HIVEP2: variants seen among roughly 807,000 people sequenced by gnomAD.
HIVEP2 encodes the protein HIVEP zinc finger 2.
HIVEP2 carries 14 observed loss-of-function variants against 180.7 expected under a neutral mutation model. The ratio of observed to expected loss-of-function variants is 0.08; its 90% CI spans 0.05 to 0.12. The LOEUF (loss-of-function observed/expected upper bound fraction) is 0.12, where lower values mean the gene tolerates loss of function less well. HIVEP2 is among the 10% of genes least tolerant of loss of function. The pLI, the probability that HIVEP2 is intolerant of heterozygous loss-of-function variation, is 1.00. For synonymous variants in HIVEP2, 1,184 were observed against 1,136.4 expected (o/e 1.04, Z -0.84); for missense variants, 2,579 against 3,008.5 (o/e 0.86, Z 3.34).
chr6:142,870,624 T>C (rs1776268550), intron 1 of HIVEP2, among the ~76,000 whole-genome samples: 1 of 152,190 alleles, frequency 6.6e-6, no homozygotes, highest in Non-Finnish European at 1.5e-5. Context: ...ACTCTATTTC[T>C]TCCTGTAATC....
chr6:142,829,709 TA>T (rs1284091540), intron 2 of HIVEP2, among the ~76,000 whole-genome samples: 1 of 152,196 alleles, frequency 6.6e-6, no homozygotes, highest in Non-Finnish European at 1.5e-5. Context: ...CTAAAGCTTT[TA>T]AAAATAGCCA....
Position 142,825,704 on chromosome 6 carries a change from T to A in HIVEP2, c.-528+11231A>T, listed in dbSNP as rs536476815. ...TTTCCAAACTTAATTCTCTAAGGCATCTCAGAGAGTGTGACTAAAAATGCT... is the reference window on the plus strand; with the variant it reads ...TTTCCAAACTTAATTCTCTAAGGCAACTCAGAGAGTGTGACTAAAAATGCT... On this transcript the variant is annotated intron_variant, in intron 2 of 9. Coordinates refer to ENST00000367603, the MANE Select transcript of HIVEP2 (RefSeq NM_006734.4). Among the ~76,000 whole-genome samples the A allele has an allele frequency of 2.0e-5, 3 of 152,292 alleles. No individual in the cohort carries two copies. The South Asian group carries it at 6.2e-4, about 32-fold the overall frequency.
At chr6:142,828,755 TA>T in intron 2 of HIVEP2, among the ~76,000 whole-genome samples, 1 of 152,256 alleles carries the variant, frequency 6.6e-6, no homozygotes, top group African/African-American at 2.4e-5. Flanking sequence ...TATCCCCAAC[TA>T]AATTTTCAGC....
intron 2 of HIVEP2, among the ~76,000 whole-genome samples, chr6:142,803,843 T>C (rs1424188062): frequency 6.6e-6 from 1 of 152,060 alleles, no homozygotes; most frequent in African/African-American, 2.4e-5. Context: ...GGAACATCAC[T>C]CCTTCACACA....
intron 3 of HIVEP2, among the ~76,000 whole-genome samples, chr6:142,781,166 C>G (rs1775849490): frequency 6.6e-6 from 1 of 152,158 alleles, no homozygotes; most frequent in Admixed American, 6.5e-5. Flanking sequence ...CAGTATTTCT[C>G]TATGACTGTG....
rs200228489 is a variant in HIVEP2, at chr6:142,774,261, G to T, written c.478C>A (p.Pro160Thr). The T allele has an allele frequency of 1.2e-4, 194 of 1,614,038 alleles. No homozygotes were observed. Among genetic ancestry groups the T allele is most frequent in the Non-Finnish European group, 3.1e-5 (36 of 1,180,050 alleles). Reference protein sequence around the residue: ...YPRKKISSLNPAYSQYSQKSI... With the variant: ...YPRKKISSLNTAYSQYSQKSI... Reference sequence around the variant, plus strand: ...TTCTGGGAGTATTGGCTATAAGCAGGGTTCAGACTTGAAATCTTTTTTCTA... The same window carrying T: ...TTCTGGGAGTATTGGCTATAAGCAGTGTTCAGACTTGAAATCTTTTTTCTA... The change falls in exon 5 of 10, where the codon CCT becomes ACT. Residue 160 changes from proline (P) to threonine (T), a missense_variant. This residue lies in a region of HIVEP2 where 207 missense variants were observed against 210.1 expected (regional missense o/e 0.99). Transcript: ENST00000367603. This position sits in a 1 kb window ranked among gnomAD's most constrained non-coding sequence, Gnocchi z 5.1.
At chr6:142,856,411 A>G (rs12206012) in intron 1 of HIVEP2, among the ~76,000 whole-genome samples, 26,917 of 152,184 alleles carry the variant, frequency 0.18, 2,570 homozygotes, top group South Asian at 0.22. Flanking sequence ...ACTAAAAGTC[A>G]TATGCAAGGA....
At chr6:142,855,282 A>C (rs1775789860) in intron 1 of HIVEP2, among the ~76,000 whole-genome samples, 2 of 152,232 alleles carry the variant, frequency 1.3e-5, no homozygotes, top group South Asian at 4.1e-4. Context: ...ACTGAGCTCC[A>C]GGCCACATGA....
intron 2 of HIVEP2, among the ~76,000 whole-genome samples, chr6:142,807,753 C>T (rs1776588815): frequency 6.6e-6 from 1 of 152,150 alleles, no homozygotes; most frequent in Non-Finnish European, 1.5e-5. Flanking sequence ...GTCAAAGTGA[C>T]TCCAAAGAGA....
chr6:142,812,332 G>C (rs76228530), intron 2 of HIVEP2, among the ~76,000 whole-genome samples: 91 of 152,298 alleles, frequency 6.0e-4, no homozygotes, highest in Middle Eastern at 3.4e-3. Context: ...GTTCCCAACA[G>C]CCGGAGGGGA....
chr6:142,848,115 C>A (rs1045326427), intron 1 of HIVEP2, among the ~76,000 whole-genome samples: 1 of 152,154 alleles, frequency 6.6e-6, no homozygotes, highest in Non-Finnish European at 1.5e-5. Flanking sequence ...ATCCTAACAA[C>A]ATAAGGATTC....
At chr6:142,756,603 T>C (rs1775075704) in intron 9 of HIVEP2, among the ~76,000 whole-genome samples, 1 of 152,020 alleles carries the variant, frequency 6.6e-6, no homozygotes, top group East Asian at 1.9e-4. Context: ...CACTACATAC[T>C]GAGGGCCTGG....
intron 2 of HIVEP2, among the ~76,000 whole-genome samples, chr6:142,821,640 G>A (rs1361827977): frequency 6.6e-6 from 1 of 152,196 alleles, no homozygotes; most frequent in African/African-American, 2.4e-5. Flanking sequence ...GATATTTCAG[G>A]TATCTATTAG....
At chr6:142,810,127 C>A (rs574034525) in intron 2 of HIVEP2, among the ~76,000 whole-genome samples, 1 of 152,150 alleles carries the variant, frequency 6.6e-6, no homozygotes, top group African/African-American at 2.4e-5. Context: ...AACACCTACC[C>A]TGCAGAATGT....
At chr6:142,919,235 G>A (rs1490604464) in intron 1 of HIVEP2, among the ~76,000 whole-genome samples, 1 of 152,144 alleles carries the variant, frequency 6.6e-6, no homozygotes, top group Non-Finnish European at 1.5e-5. Flanking sequence ...TAATGAAACA[G>A]ATTGAAATGA....
At chr6:142,797,416 A>G (rs1776304085) in intron 2 of HIVEP2, among the ~76,000 whole-genome samples, 2 of 152,202 alleles carry the variant, frequency 1.3e-5, no homozygotes, top group Non-Finnish European at 2.9e-5. Flanking sequence ...TCAGGGAGAC[A>G]GTAATTAGGA....
chr6:142,890,881 T>C (rs979882671), intron 1 of HIVEP2, among the ~76,000 whole-genome samples: 5 of 152,176 alleles, frequency 3.3e-5, no homozygotes, highest in Non-Finnish European at 7.3e-5. Context: ...GAAAGATCAA[T>C]TTTAAAATAA....
chr6:142,909,395 T>C (rs1263318899), intron 1 of HIVEP2, among the ~76,000 whole-genome samples: 1 of 152,172 alleles, frequency 6.6e-6, no homozygotes, highest in Non-Finnish European at 1.5e-5. Context: ...TTAGTATATA[T>C]CTACATATAT....
At chr6:142,929,784 G>T (rs945115920) in intron 1 of HIVEP2, among the ~76,000 whole-genome samples, 5 of 152,116 alleles carry the variant, frequency 3.3e-5, no homozygotes, top group South Asian at 2.1e-4. Context: ...GAATATGAGA[G>T]AAACAGTAAG....
Sources: allele counts gnomAD v4.1 joint callset (sites outside exome capture counted in the v4.1 genomes callset), GRCh38; gene constraint gnomAD v4.1.1; regional missense constraint gnomAD v4.1.1; non-coding constraint Gnocchi (gnomAD v3.1); transcripts MANE v1.5; gene names NCBI Gene and HGNC (gene_info 2026-07-23, HGNC 2026-07-21).